SV2C: variants seen among roughly 807,000 people sequenced by gnomAD.
SV2C encodes solute carrier family 22 member B3.
A neutral mutation model predicts 79.7 loss-of-function variants in SV2C; 49 were observed. That is an observed-to-expected ratio of 0.61 (90% CI 0.49 to 0.78). The LOEUF is 0.78. SV2C is among the 30% of genes least tolerant of loss of function. The pLI, the probability that SV2C is intolerant of heterozygous loss-of-function variation, is 0.00. For missense variants in SV2C, 833 were observed against 912.9 expected, an observed-to-expected ratio of 0.91 and a Z score of 1.13; for synonymous variants, 334 against 333.2, an observed-to-expected ratio of 1.00 and a Z score of -0.03.
At chr5:76,122,308 G>A (rs1231838983) in intron 1 of SV2C, among the ~76,000 whole-genome samples, 24 of 151,190 alleles carry the variant, frequency 1.6e-4, no homozygotes, top group South Asian at 2.1e-4. Flanking sequence ...CAATCATGTC[G>A]TCTGCAAACA....
intron 12 of SV2C, among the ~76,000 whole-genome samples, chr5:76,324,729 G>A (rs1748935769): frequency 6.6e-6 from 1 of 151,990 alleles, no homozygotes; most frequent in Non-Finnish European, 1.5e-5. Context: ...GTACACACTT[G>A]TAGTCCCAAG....
At chr5:76,252,260 C>T (rs2112440937) in intron 4 of SV2C, among the ~76,000 whole-genome samples, 1 of 152,310 alleles carries the variant, frequency 6.6e-6, no homozygotes, top group Middle Eastern at 3.4e-3. Flanking sequence ...GCTGGGACTA[C>T]AGGCTCCCAC....
intron 3 of SV2C, among the ~76,000 whole-genome samples, chr5:76,203,272 C>T (rs538217048): frequency 1.5e-4 from 23 of 152,142 alleles, no homozygotes; most frequent in African/African-American, 5.3e-4. Flanking sequence ...TGGTGATGTG[C>T]CTGGCCCAGA....
At chr5:76,133,766 A>G (rs572785221) in intron 2 of SV2C, among the ~76,000 whole-genome samples, 186 of 152,184 alleles carry the variant, frequency 1.2e-3, no homozygotes, top group Non-Finnish European at 2.3e-3. Context: ...CTGGTTTTGT[A>G]TCTAGCACTG....
At chr5:75,978,016 C>A in the SV2C span, among the ~76,000 whole-genome samples, 2 of 152,152 alleles carry the variant, frequency 1.3e-5, no homozygotes, top group Non-Finnish European at 2.9e-5. Context: ...AAAAAGTTGT[C>A]TTTAACCACC....
chr5:75,996,827 T>C, the SV2C span, among the ~76,000 whole-genome samples: 1 of 146,000 alleles, frequency 6.8e-6, no homozygotes, highest in Non-Finnish European at 1.5e-5. Flanking sequence ...TTTTTGCGCA[T>C]TGATTTTGTA....
At chr5:75,915,135 C>A in the SV2C span, among the ~76,000 whole-genome samples, 1 of 152,178 alleles carries the variant, frequency 6.6e-6, no homozygotes, top group Non-Finnish European at 1.5e-5. Flanking sequence ...GTGGGAGTCA[C>A]AATTCAAAAT....
the SV2C span, among the ~76,000 whole-genome samples, chr5:75,849,278 G>A: frequency 6.6e-6 from 1 of 152,194 alleles, no homozygotes; most frequent in Non-Finnish European, 1.5e-5. Context: ...GGAGTGAATG[G>A]AAGAGCAGGT....
chr5:76,187,793 C>G (rs1200812443), intron 2 of SV2C, among the ~76,000 whole-genome samples: 1 of 151,086 alleles, frequency 6.6e-6, no homozygotes, highest in Non-Finnish European at 1.5e-5. Context: ...GAAAATTACT[C>G]TTTCAGTGCT....
intron 4 of SV2C, among the ~76,000 whole-genome samples, chr5:76,236,581 AAGAGAGAGAGAGAGAAAT>A (rs1412529371): frequency 4.9e-5 from 6 of 122,074 alleles, no homozygotes; most frequent in Non-Finnish European, 9.0e-5. Flanking sequence ...AAATAAAATA[AAGAGAGAGAGAGAGAAAT>A]AGAGAGGAGG....
At chr5:76,320,374 A>G (rs1748790028) in intron 12 of SV2C, among the ~76,000 whole-genome samples, 1 of 152,182 alleles carries the variant, frequency 6.6e-6, no homozygotes, top group Admixed American at 6.5e-5. Flanking sequence ...GATACATGTC[A>G]TTATACATGT....
chr5:75,972,762 C>T, the SV2C span, among the ~76,000 whole-genome samples: 1 of 151,964 alleles, frequency 6.6e-6, no homozygotes, highest in Non-Finnish European at 1.5e-5. Context: ...TGTGGAAGTC[C>T]GTGTGGCAAT....
chr5:75,948,830 G>A, the SV2C span, among the ~76,000 whole-genome samples: 9 of 152,058 alleles, frequency 5.9e-5, no homozygotes, highest in South Asian at 1.7e-3. Flanking sequence ...AAGAACAATG[G>A]TATACAGAAA....
chr5:76,086,849 C>T (rs1215339376), intron 1 of SV2C, among the ~76,000 whole-genome samples: 1 of 152,122 alleles, frequency 6.6e-6, no homozygotes, highest in Non-Finnish European at 1.5e-5. Flanking sequence ...TACTAAAACA[C>T]AATTTTATTT....
the SV2C span, among the ~76,000 whole-genome samples, chr5:76,034,078 T>C: frequency 4.6e-5 from 7 of 152,110 alleles, no homozygotes; most frequent in African/African-American, 1.7e-4. Context: ...AGAATGCTTG[T>C]GATTTTTGTA....
At chr5:76,340,329 ATT>A (rs1167583543) in intron 12 of SV2C, among the ~76,000 whole-genome samples, 4 of 152,196 alleles carry the variant, frequency 2.6e-5, no homozygotes, top group Non-Finnish European at 5.9e-5. Context: ...TGGAGTAGTC[ATT>A]CTTTTATTCC....
At chr5:75,914,038 T>C in the SV2C span, among the ~76,000 whole-genome samples, 2 of 152,170 alleles carry the variant, frequency 1.3e-5, no homozygotes, top group Non-Finnish European at 1.5e-5. Flanking sequence ...CATTTGCCAA[T>C]GTGGGTCTAA....
chr5:75,993,745 C>T, the SV2C span, among the ~76,000 whole-genome samples: 3 of 152,000 alleles, frequency 2.0e-5, no homozygotes, highest in Admixed American at 6.6e-5. Context: ...TACTGTCTTG[C>T]CTTGCATTAG....
chr5:75,929,076 C>G, the SV2C span, among the ~76,000 whole-genome samples: 3 of 152,114 alleles, frequency 2.0e-5, 1 homozygote, highest in East Asian at 5.8e-4. Flanking sequence ...AGGCCTCCCC[C>G]AAATCATTAA....
Sources: allele counts gnomAD v4.1 joint callset (sites outside exome capture counted in the v4.1 genomes callset), GRCh38; gene constraint gnomAD v4.1.1; transcripts MANE v1.5; gene names NCBI Gene and HGNC (gene_info 2026-07-23, HGNC 2026-07-21).